Variants in KNL1 observed in about 807,000 individuals in gnomAD.
KNL1 encodes the protein kinetochore scaffold 1, also known as outer kinetochore KNL1 complex subunit KNL1.
A neutral mutation model predicts 201.3 loss-of-function variants in KNL1; 66 were observed. The observed-to-expected ratio is 0.33, with a 90% CI of 0.27 to 0.40. The LOEUF is 0.40. Among genes scored for constraint, KNL1 ranks in the 10% least tolerant of loss-of-function variants. The pLI, the probability that KNL1 is intolerant of heterozygous loss-of-function variation, is 1.00. For missense variants in KNL1, 2,815 were observed against 2,690.5 expected, an observed-to-expected ratio of 1.05 and a Z score of -1.02; for synonymous variants, 895 against 899.2, an observed-to-expected ratio of 1.00 and a Z score of 0.08.
chr15:40,612,937 T>C (rs1892219407), intron 7 of KNL1, among the ~76,000 whole-genome samples: 1 of 152,194 alleles, frequency 6.6e-6, no homozygotes, highest in Admixed American at 6.6e-5. Context: ...TAAATGCACA[T>C]GCCCTTTGAC....
intron 12 of KNL1, among the ~76,000 whole-genome samples, chr15:40,628,901 G>A (rs1274410089): frequency 3.3e-5 from 5 of 152,094 alleles, no homozygotes; most frequent in African/African-American, 1.2e-4. Flanking sequence ...GGGCATGGTG[G>A]TTCATGCCTG....
intron 13 of KNL1, among the ~76,000 whole-genome samples, chr15:40,631,008 C>G (rs977333903): frequency 6.6e-6 from 1 of 152,070 alleles, no homozygotes; most frequent in Admixed American, 6.6e-5. Context: ...GTCCCCGCTA[C>G]TCAGGAGGCT....
chr15:40,623,470 A>C lies in KNL1; in HGVS notation c.3206A>C (p.Lys1069Thr), dbSNP rs780487733. 3.1e-6 allele frequency: 5 copies of C among 1,611,840 alleles called. No homozygotes were observed. Among genetic ancestry groups the C allele is most frequent in the Non-Finnish European group, 4.2e-6 (5 of 1,179,384 alleles). ...SSKSQRRKSL[K>T]LKNDKTIVFS... ...AAAAGTCAGAGAAGAAAAAGCCTTA[A>C]GCTAAAAAATGACAAGACCATTGTA... The change falls in exon 10 of 26, where the codon AAG (lysine) becomes ACG (threonine). Residue 1069 changes from lysine (K) to threonine (T), a missense_variant. Physicochemically the swap from Lys to Thr is moderately conservative, Grantham distance 78. Coordinates refer to ENST00000399668, the MANE Select transcript of KNL1 (RefSeq NM_144508.5).
intron 14 of KNL1, among the ~76,000 whole-genome samples, chr15:40,642,393 C>G (rs1893257424): frequency 6.7e-6 from 1 of 149,500 alleles, no homozygotes; most frequent in African/African-American, 2.5e-5. Context: ...AAGAGCGAGA[C>G]TCTGTCTCAA....
At chr15:40,633,174 C>G (rs577968462) in intron 13 of KNL1, among the ~76,000 whole-genome samples, 11 of 152,002 alleles carry the variant, frequency 7.2e-5, no homozygotes, top group Admixed American at 3.3e-4. Flanking sequence ...ACAAAAATTA[C>G]AAAAGTTAGC....
chr15:40,637,175 C>CTT (rs35738751), intron 13 of KNL1, among the ~76,000 whole-genome samples: 164 of 137,334 alleles, frequency 1.2e-3, no homozygotes, highest in African/African-American at 2.5e-3. Flanking sequence ...TTTTTTCTTT[C>CTT]TTTTTTTTTT....
intron 16 of KNL1, chr15:40,646,781 C>T (rs961410349): frequency 4.2e-5 from 13 of 312,986 alleles, no homozygotes; most frequent in Admixed American, 1.5e-4. Flanking sequence ...GGCATGAACC[C>T]GGGAGGCGGA....
intron 14 of KNL1, among the ~76,000 whole-genome samples, chr15:40,644,487 C>T (rs1308918824): frequency 2.0e-5 from 3 of 152,222 alleles, no homozygotes; most frequent in Non-Finnish European, 4.4e-5. Context: ...AAGAGGCTTT[C>T]GTCTTTTACT....
At chr15:40,632,120 T>C (rs1892926704) in intron 13 of KNL1, among the ~76,000 whole-genome samples, 3 of 151,582 alleles carry the variant, frequency 2.0e-5, no homozygotes, top group Non-Finnish European at 4.4e-5. Flanking sequence ...GCACAGTGGC[T>C]GGTGTCTGTA....
In KNL1 at chr15:40,624,669, A is replaced by G. The variant is rs1184972320; in HGVS notation, c.4405A>G (p.Lys1469Glu). 8.1e-6 allele frequency: 13 copies of G among 1,613,108 alleles called. No individual in the cohort carries two copies. Among genetic ancestry groups the G allele is most frequent in the Non-Finnish European group, 8.5e-6 (10 of 1,179,608 alleles). Residue 1469 changes from lysine to glutamate, a missense_variant, in exon 10 of 26, where the codon AAA becomes GAA. Transcript: ENST00000399668. ...CAATAAAGAAGAAGTAATACTGTCT[A>G]AAGCTGGAAATAAGAGTTTAAATAT... ...SINKEEVILS[K>E]AGNKSLNIIE...
At position 40,623,681 on chromosome 15, in the gene KNL1, A is replaced by T; in HGVS notation, c.3417A>T (p.Lys1139Asn). 6.2e-7 allele frequency: 1 copy of T among 1,613,968 alleles called. No homozygotes were observed. Among genetic ancestry groups the T allele is most frequent in the Non-Finnish European group, 8.5e-7 (1 of 1,179,918 alleles). The change falls in exon 10 of 26, where the codon AAA (lysine) becomes AAT (asparagine). Residue 1139 changes from lysine (K) to asparagine (N), a missense_variant. Lys to Asn is a moderately conservative substitution (Grantham distance 94). Around this residue, in one of 3 missense-constraint regions of KNL1, gnomAD observed 2,464 missense variants for 2,291.7 expected, o/e 1.08. Transcript: ENST00000399668. Reference protein sequence around the residue: ...TRSHTTALECKTLLPNEIAIR... With the variant: ...TRSHTTALECNTLLPNEIAIR... ...GTCACACAACTGCCTTAGAATGTAA[A>T]ACTCTCCTGCCAAATGAAATAGCTA... is the stretch of plus-strand genomic sequence containing the variant.
chr15:40,624,691 A>G lies in KNL1; in HGVS notation c.4427A>G (p.Asn1476Ser), dbSNP rs1567010285. ...ILSKAGNKSL[N>S]IIENSSAPIC... ...TCTAAAGCTGGAAATAAGAGTTTAA[A>G]TATTATAGAAAATTCCTCTGCACCC... Residue 1476 changes from asparagine to serine, a missense_variant, in exon 10 of 26, where the codon AAT becomes AGT. By Grantham distance (46) the Asn-to-Ser change is conservative. Transcript: ENST00000399668. 2 of 1,612,464 alleles carry G rather than the reference A, an allele frequency of 1.2e-6. No homozygotes were observed. The highest frequency in any genetic ancestry group is 8.5e-7 in the Non-Finnish European group (1 of 1,179,334).
chr15:40,612,331 A>C (rs28798094), intron 7 of KNL1, among the ~76,000 whole-genome samples: 36,528 of 148,740 alleles, frequency 0.25, 5,429 homozygotes, highest in Middle Eastern at 0.37. Context: ...AACAAAAAAA[A>C]CCCCAAAAAA....
intron 5 of KNL1, 33 bp from the exon 6 acceptor site, chr15:40,610,212 C>G: frequency 8.7e-7 from 1 of 1,147,984 alleles, no homozygotes; most frequent in East Asian, 2.4e-5. Context: ...TTACAAATTG[C>G]AGGTTTTCAA....
chr15:40,611,004 C>A (rs1305439090), intron 6 of KNL1: 2 of 314,044 alleles, frequency 6.4e-6, no homozygotes, highest in African/African-American at 2.3e-5. Context: ...CCTGCCTTGG[C>A]CTCAAAATGC....
chr15:40,660,953 G>C (rs1010543404), intron 25 of KNL1, among the ~76,000 whole-genome samples: 1 of 152,126 alleles, frequency 6.6e-6, no homozygotes, highest in Non-Finnish European at 1.5e-5. Flanking sequence ...ACAGAACCAG[G>C]CTCTCTCAAA....
intron 14 of KNL1, among the ~76,000 whole-genome samples, chr15:40,642,711 G>C (rs1054531515): frequency 1.3e-5 from 2 of 152,026 alleles, no homozygotes; most frequent in Admixed American, 1.3e-4. Context: ...CACTGCAAGC[G>C]CTGCATCCTG....
intron 24 of KNL1, among the ~76,000 whole-genome samples, chr15:40,658,689 G>A (rs1323365731): frequency 6.6e-6 from 1 of 151,736 alleles, no homozygotes; most frequent in African/African-American, 2.4e-5. Flanking sequence ...CCAACACTTT[G>A]GGAAGTGAGG....
chr15:40,602,208 T>C (rs1160623176), intron 1 of KNL1, among the ~76,000 whole-genome samples: 1 of 150,320 alleles, frequency 6.7e-6, no homozygotes, highest in African/African-American at 2.4e-5. Flanking sequence ...TTTTTTTTTC[T>C]ATTTTTAGTA....
Sources: allele counts gnomAD v4.1 joint callset (sites outside exome capture counted in the v4.1 genomes callset), GRCh38; gene constraint gnomAD v4.1.1; regional missense constraint gnomAD v4.1.1; transcripts MANE v1.5; gene names NCBI Gene and HGNC (gene_info 2026-07-23, HGNC 2026-07-21).